The following SLTM variants were observed in gnomAD, a reference collection of about 807,000 sequenced individuals.
SLTM encodes SAFB like transcription modulator.
SLTM carries 43 observed loss-of-function variants against 134.6 expected under a neutral mutation model. The ratio of observed to expected loss-of-function variants is 0.32; its 90% CI spans 0.25 to 0.41. The LOEUF is 0.41. Among genes scored for constraint, SLTM ranks in the 10% least tolerant of loss-of-function variants. The pLI is 1.00. For synonymous variants in SLTM, 424 were observed against 432.3 expected (o/e 0.98, Z 0.24); for missense variants, 1,055 against 1,288.8 (o/e 0.82, Z 2.78).
chr15:58,893,108 CTTTA>C (rs1427476278), intron 13 of SLTM, 48 bp from the exon 14 acceptor site: 15 of 1,514,968 alleles, frequency 9.9e-6, no homozygotes, highest in Admixed American at 7.3e-5. Flanking sequence ...TATTTTGGGG[CTTTA>C]TTTTTCAAGT....
At chr15:58,908,893 G>T (rs2036065419) in intron 5 of SLTM, among the ~76,000 whole-genome samples, 1 of 152,152 alleles carries the variant, frequency 6.6e-6, no homozygotes, top group South Asian at 2.1e-4. Context: ...TTCTAAAGTT[G>T]TTGTATGTGT....
Position 58,913,397 on chromosome 15 carries a change from T to G in SLTM, c.513+102A>C, listed in dbSNP as rs1424655150. On this transcript the variant is annotated intron_variant, in intron 4 of 20. Transcript: ENST00000380516. Reference sequence around the variant, plus strand: ...ATAAGTAGCTTTAGTAACACATCTTTTAAAAATTCTGAGACTTCCAAATTG... The same window carrying G: ...ATAAGTAGCTTTAGTAACACATCTTGTAAAAATTCTGAGACTTCCAAATTG... 2.7e-5 allele frequency: 27 copies of G among 987,244 alleles called. No individual in the cohort carries two copies. In the African/African-American group the frequency reaches 3.6e-4, roughly 13 times the overall value. The allele number at this position is 987,244 out of a possible 1,614,324, so 61.2% of individuals were successfully genotyped here.
chr15:58,886,211 AAAG>A (rs1179263090), intron 19 of SLTM, among the ~76,000 whole-genome samples: 15 of 150,324 alleles, frequency 1.0e-4, no homozygotes, highest in Non-Finnish European at 2.1e-4. Flanking sequence ...AGCAGGAGAA[AAAG>A]AAGAGTGTGT....
At chr15:58,892,802 T>C (rs1260422688) in intron 14 of SLTM, 95 bp downstream of exon 14, 1 of 1,308,944 alleles carries the variant, frequency 7.6e-7, no homozygotes, top group African/African-American at 1.5e-5. Flanking sequence ...CAAACAGTTT[T>C]CTGTGGGAAT....
At chr15:58,932,167 C>G (rs1445410708) in intron 2 of SLTM, 189 bp downstream of exon 2, 1 of 529,264 alleles carries the variant, frequency 1.9e-6, no homozygotes, top group African/African-American at 1.9e-5. Context: ...TCAGCTTCAG[C>G]CGAATCTTAA....
At chr15:58,909,050 T>C (rs1231283485) in intron 5 of SLTM, among the ~76,000 whole-genome samples, 7 of 152,198 alleles carry the variant, frequency 4.6e-5, no homozygotes, top group Admixed American at 4.6e-4. Flanking sequence ...CAATGAACAA[T>C]TCAGTAGTAG....
chr15:58,892,190 A>G (rs1431453405), intron 14 of SLTM, among the ~76,000 whole-genome samples: 1 of 152,242 alleles, frequency 6.6e-6, no homozygotes, highest in African/African-American at 2.4e-5. Context: ...ATAATATACT[A>G]TAAAACACAC....
chr15:58,916,912 A>G, intron 3 of SLTM, 23 bp downstream of exon 3: 1 of 1,606,702 alleles, frequency 6.2e-7, no homozygotes, highest in East Asian at 2.2e-5. Context: ...TAAGCATCTT[A>G]ACCTGAGTAA....
At chr15:58,914,667 T>C (rs867479073) in intron 3 of SLTM, among the ~76,000 whole-genome samples, 9 of 152,190 alleles carry the variant, frequency 5.9e-5, no homozygotes, top group Non-Finnish European at 1.0e-4. Context: ...CCAAGGAAAC[T>C]TCACCTATTC....
intron 1 of SLTM, 36 bp from the exon 2 acceptor site, chr15:58,932,479 C>G (rs771723971): frequency 2.1e-6 from 3 of 1,413,270 alleles, no homozygotes; most frequent in South Asian, 1.2e-5. Context: ...GCTACACAAT[C>G]TATCTAAACT....
intron 2 of SLTM, among the ~76,000 whole-genome samples, chr15:58,924,132 G>A (rs554850246): frequency 4.6e-5 from 7 of 152,096 alleles, no homozygotes; most frequent in African/African-American, 9.6e-5. Context: ...AAACTTTTAC[G>A]CTTTGAGGAA....
intron 5 of SLTM, among the ~76,000 whole-genome samples, chr15:58,910,102 G>A (rs1003549760): frequency 2.6e-5 from 4 of 152,086 alleles, no homozygotes; most frequent in African/African-American, 9.7e-5. Flanking sequence ...TATTTTAGGA[G>A]TGCTAATATA....
chr15:58,882,568 G>T (rs1176027547), intron 20 of SLTM, among the ~76,000 whole-genome samples: 2 of 152,170 alleles, frequency 1.3e-5, no homozygotes, highest in African/African-American at 4.8e-5. Context: ...CAAGGAGTCT[G>T]ACAACCATGA....
intron 14 of SLTM, among the ~76,000 whole-genome samples, chr15:58,892,549 C>A (rs2140987170): frequency 6.6e-6 from 1 of 152,234 alleles, no homozygotes; most frequent in South Asian, 2.1e-4. Flanking sequence ...GAGGAAAGAG[C>A]ATTGGACTTG....
chr15:58,908,170 C>A (rs1165647769), intron 5 of SLTM, among the ~76,000 whole-genome samples: 2 of 152,024 alleles, frequency 1.3e-5, no homozygotes, highest in South Asian at 2.1e-4. Flanking sequence ...AATCCTCCCA[C>A]CTCGGTCTAC....
chr15:58,908,539 A>AT (rs72305182), intron 5 of SLTM, among the ~76,000 whole-genome samples: 17 of 149,328 alleles, frequency 1.1e-4, no homozygotes, highest in East Asian at 7.8e-4. Flanking sequence ...GCTATTTAAA[A>AT]TTTTTTTTTT....
chr15:58,901,579 C>T (rs1033589458), intron 5 of SLTM, among the ~76,000 whole-genome samples: 1 of 152,150 alleles, frequency 6.6e-6, no homozygotes, highest in Non-Finnish European at 1.5e-5. Context: ...CCAATTCTTC[C>T]TCATATCAAA....
chr15:58,903,271 G>C (rs2035622125), intron 5 of SLTM, among the ~76,000 whole-genome samples: 1 of 152,070 alleles, frequency 6.6e-6, no homozygotes, highest in African/African-American at 2.4e-5. Context: ...CTGACCTCAG[G>C]TGATCCACCC....
chr15:58,930,719 ATATATATCATATATGATATATATACACC>A (rs2037815735), intron 2 of SLTM, among the ~76,000 whole-genome samples: 1 of 148,346 alleles, frequency 6.7e-6, no homozygotes, highest in Admixed American at 6.8e-5. Flanking sequence ...AAAAATATAT[ATATATATCATATATGATATATATACACC>A]TATATATAAT....
Sources: gnomAD v4.1 joint callset for allele counts (sites outside exome capture counted in the v4.1 genomes callset) on GRCh38, gnomAD v4.1.1 for gene constraint, MANE v1.5 for transcripts, NCBI Gene and HGNC (gene_info 2026-07-23, HGNC 2026-07-21) for gene names.